Variants in HTR2C observed in about 807,000 individuals in gnomAD.
HTR2C encodes the protein 5-hydroxytryptamine (serotonin) receptor 2C, G protein-coupled.
In HTR2C, 5 loss-of-function variants were observed where a neutral mutation model predicts 21.0. The observed-to-expected ratio is 0.24, with a 90% confidence interval of 0.12 to 0.50. The LOEUF is 0.50. HTR2C is among the 20% of genes least tolerant of loss of function. The pLI is 0.98. For missense variants in HTR2C, 271 were observed against 371.2 expected (o/e 0.73, Z 2.22); for synonymous variants, 150 against 145.3 (o/e 1.03, Z -0.23).
chrX:114,640,325 A>G (rs1930046909), intron 2 of HTR2C, among the ~76,000 whole-genome samples: 1 of 87,329 alleles, frequency 1.1e-5, no homozygotes, highest in Admixed American at 1.4e-4. Flanking sequence ...AATGAAACAC[A>G]TATATCTTTA....
intron 4 of HTR2C, among the ~76,000 whole-genome samples, chrX:114,833,413 C>T (rs2070748473): frequency 9.1e-6 from 1 of 110,382 alleles, no homozygotes; most frequent in African/African-American, 3.3e-5. Flanking sequence ...TCAACTTCTT[C>T]CTGGTTTAGT....
intron 1 of HTR2C, among the ~76,000 whole-genome samples, chrX:114,588,869 C>T (rs184236141): frequency 1.2e-3 from 136 of 111,560 alleles, no homozygotes; most frequent in African/African-American, 4.2e-3. Flanking sequence ...TATTTATTGA[C>T]ATTTACCATG....
intron 2 of HTR2C, among the ~76,000 whole-genome samples, chrX:114,681,654 T>A (rs1931752463): frequency 9.0e-6 from 1 of 111,607 alleles, no homozygotes; most frequent in South Asian, 3.7e-4. Context: ...GTCTCTCAGA[T>A]TAATGTGAAA....
At chrX:114,865,836 G>T (rs978020760) in intron 5 of HTR2C, among the ~76,000 whole-genome samples, 6 of 110,173 alleles carry the variant, frequency 5.4e-5, no homozygotes, top group Non-Finnish European at 1.1e-4. Flanking sequence ...TTTATTTTGA[G>T]ACAGGGTCTC....
chrX:114,880,726 T>C (rs781882918), intron 5 of HTR2C, among the ~76,000 whole-genome samples: 222 of 111,578 alleles, frequency 2.0e-3, no homozygotes, highest in African/African-American at 6.8e-3. Context: ...TATAATGTTT[T>C]CAAGGTTTAT....
At chrX:114,906,507 T>C in intron 5 of HTR2C, 82 bp from the exon 6 acceptor site, 1 of 694,751 alleles carries the variant, frequency 1.4e-6, no homozygotes, top group East Asian at 3.3e-5. Context: ...TTCCGTAAAA[T>C]GCAAATTAAT....
intron 4 of HTR2C, among the ~76,000 whole-genome samples, chrX:114,747,501 G>A (rs992074597): frequency 7.1e-5 from 8 of 112,240 alleles, no homozygotes; most frequent in African/African-American, 2.6e-4. Context: ...CTACAAAGAC[G>A]CTCCTAGAAA....
chrX:114,725,389 G>C (rs1375020873), intron 2 of HTR2C, among the ~76,000 whole-genome samples: 1 of 111,074 alleles, frequency 9.0e-6, no homozygotes, highest in Non-Finnish European at 1.9e-5. Flanking sequence ...GGACTTCTCT[G>C]TATTGGTTAT....
intron 4 of HTR2C, among the ~76,000 whole-genome samples, chrX:114,780,195 A>C (rs1276929704): frequency 9.0e-6 from 1 of 111,513 alleles, no homozygotes; most frequent in Non-Finnish European, 1.9e-5. Flanking sequence ...AAGCATTTGC[A>C]GATTTTGGTA....
chrX:114,649,833 A>G (rs1384156464), intron 2 of HTR2C, among the ~76,000 whole-genome samples: 1 of 110,553 alleles, frequency 9.0e-6, no homozygotes, highest in African/African-American at 3.3e-5. Context: ...CAGGCTGGTA[A>G]CGAACTCCTG....
At chrX:114,766,099 G>T (rs1303980469) in intron 4 of HTR2C, among the ~76,000 whole-genome samples, 1 of 111,553 alleles carries the variant, frequency 9.0e-6, no homozygotes, top group Admixed American at 9.5e-5. Context: ...CATCACTAGT[G>T]GTTATGCAAA....
At chrX:114,784,187 GA>G (rs1232678139) in intron 4 of HTR2C, among the ~76,000 whole-genome samples, 14 of 87,815 alleles carry the variant, frequency 1.6e-4, no homozygotes, top group East Asian at 7.2e-4. Flanking sequence ...GATTAATAGA[GA>G]AAAAAAAAAG....
intron 4 of HTR2C, among the ~76,000 whole-genome samples, chrX:114,784,723 C>T (rs1016272399): frequency 1.6e-4 from 17 of 109,212 alleles, no homozygotes; most frequent in Non-Finnish European, 2.7e-4. Flanking sequence ...GGGTTCACGC[C>T]ATTCTCCTAC....
intron 4 of HTR2C, among the ~76,000 whole-genome samples, chrX:114,807,995 C>T (rs2070495786): frequency 9.0e-6 from 1 of 110,876 alleles, no homozygotes; most frequent in African/African-American, 3.3e-5. Flanking sequence ...TTTAAATGTA[C>T]AATATAAATT....
chrX:114,781,539 C>T (rs966888339), intron 4 of HTR2C, among the ~76,000 whole-genome samples: 3 of 108,871 alleles, frequency 2.8e-5, no homozygotes, highest in Non-Finnish European at 3.8e-5. Flanking sequence ...CTCACTCTTT[C>T]GCCCACTTTG....
Position 114,635,863 on chromosome X carries a change from C to T in HTR2C, c.-80+21982C>T, listed in dbSNP as rs782740911. The stretch of plus-strand genomic sequence containing the variant: ...TTTGTTGCATTAAGTTGAATTGAAA[C>T]TTTTTTCTTGCAAGTACCCTTTGTT... On this transcript the variant is annotated intron_variant, in intron 2 of 5. Coordinates refer to ENST00000276198, the MANE Select transcript of HTR2C (RefSeq NM_000868.4). Among the ~76,000 whole-genome samples, 3 of 111,473 alleles carry T rather than the reference C, an allele frequency of 2.7e-5. No individual in the cohort carries two copies. The South Asian group carries it at 1.1e-3, about 42-fold the overall frequency.
intron 2 of HTR2C, among the ~76,000 whole-genome samples, chrX:114,693,304 C>G: frequency 9.0e-6 from 1 of 110,770 alleles, no homozygotes; most frequent in Non-Finnish European, 1.9e-5. Flanking sequence ...CCATATTACT[C>G]CATATCAAGG....
At chrX:114,870,079 T>C (rs1416747768) in intron 5 of HTR2C, among the ~76,000 whole-genome samples, 1 of 68,958 alleles carries the variant, frequency 1.5e-5, no homozygotes, top group East Asian at 5.1e-4. Flanking sequence ...CCTGTAGTTT[T>C]ATTTATTATT....
At chrX:114,606,216 C>T (rs1001451008) in intron 1 of HTR2C, among the ~76,000 whole-genome samples, 21 of 110,782 alleles carry the variant, frequency 1.9e-4, no homozygotes, top group African/African-American at 3.9e-4. Context: ...CCCAGAAAAG[C>T]GGGACTTGCC....
Sources: allele counts gnomAD v4.1 joint callset (sites outside exome capture counted in the v4.1 genomes callset), GRCh38; gene constraint gnomAD v4.1.1; transcripts MANE v1.5; gene names NCBI Gene and HGNC (gene_info 2026-07-23, HGNC 2026-07-21).